Variants in PLEKHA2 observed in about 807,000 individuals in gnomAD.
PLEKHA2 encodes the protein pleckstrin homology domain-containing family A member 2.
PLEKHA2 carries 28 observed loss-of-function variants against 53.2 expected under a neutral mutation model. That is an observed-to-expected ratio of 0.53 (90% CI 0.39 to 0.72). The LOEUF is 0.72. Ranked by LOEUF, PLEKHA2 falls within the 30% of genes least tolerant of loss-of-function variation. PLEKHA2 has a pLI of 0.00. For missense variants in PLEKHA2, 426 were observed against 537.9 expected, an observed-to-expected ratio of 0.79 and a Z score of 2.06; for synonymous variants, 193 against 196.4, an observed-to-expected ratio of 0.98 and a Z score of 0.14.
At chr8:38,952,545 G>A in intron 7 of PLEKHA2, 91 bp from the exon 8 acceptor site, 2 of 1,436,444 alleles carry the variant, frequency 1.4e-6, no homozygotes, top group Non-Finnish European at 1.9e-6. Flanking sequence ...GACTTCCATG[G>A]GGCTGGGTCC....
At chr8:38,969,230 A>G (rs1180969198) in intron 11 of PLEKHA2, among the ~76,000 whole-genome samples, 191 bp from the exon 12 acceptor site, 2 of 152,044 alleles carry the variant, frequency 1.3e-5, no homozygotes. Context: ...ATGTCCTGCA[A>G]GTTTCACTGC....
chr8:38,940,654 G>GT lies in PLEKHA2; in HGVS notation c.199-3135_199-3134insT, dbSNP rs1384483151. Among the ~76,000 whole-genome samples the GT allele has an allele frequency of 8.3e-5, 9 of 108,566 alleles. No homozygotes were observed. In the East Asian group the frequency reaches 2.0e-3, roughly 24 times the overall value. The allele number at this position is 108,566 out of a possible 152,430, so 71.2% of individuals were successfully genotyped here. ...CCGTGGTCCAGATTGAAGGGGCGGG[G>GT]GGGGGGGGTCAGAAACCCAGGAAGC... On this transcript the variant is annotated intron_variant, in intron 3 of 11. Transcript: ENST00000617275.
Position 38,964,131 on chromosome 8 carries a change from G to A in PLEKHA2, c.838-4461G>A, listed in dbSNP as rs115744071. On this transcript the variant is annotated intron_variant, in intron 10 of 11. Coordinates refer to ENST00000617275, the MANE Select transcript of PLEKHA2 (RefSeq NM_021623.2). ...GTGTGAATTCTTTAATTTAGTAATT[G>A]CCTTGGGAGCTGAGGGTTCCTAAAT... is the stretch of plus-strand genomic sequence containing the variant. Among the ~76,000 whole-genome samples the A allele has an allele frequency of 1.2e-3, 190 of 152,306 alleles. 1 individual carries two copies. Among genetic ancestry groups the A allele is most frequent in the African/African-American group, 4.5e-3 (186 of 41,566 alleles).
At chr8:38,956,729 G>A (rs1246272994) in intron 9 of PLEKHA2, among the ~76,000 whole-genome samples, 1 of 152,152 alleles carries the variant, frequency 6.6e-6, no homozygotes, top group Non-Finnish European at 1.5e-5. Context: ...GGGCAACAGA[G>A]CGAGACCCTG....
chr8:38,961,462 A>G (rs2129424051), intron 10 of PLEKHA2, among the ~76,000 whole-genome samples: 1 of 150,630 alleles, frequency 6.6e-6, no homozygotes, highest in Non-Finnish European at 1.5e-5. Context: ...TCTTGAACCC[A>G]GGGGGCGGAG....
At chr8:38,927,673 G>A (rs1375000622) in intron 2 of PLEKHA2, among the ~76,000 whole-genome samples, 2 of 152,128 alleles carry the variant, frequency 1.3e-5, no homozygotes, top group African/African-American at 2.4e-5. Flanking sequence ...ATTCATTAAG[G>A]AAACATCCAT....
chr8:38,957,880 C>T (rs1588274292), intron 10 of PLEKHA2, among the ~76,000 whole-genome samples: 1 of 152,206 alleles, frequency 6.6e-6, no homozygotes, highest in African/African-American at 2.4e-5. Flanking sequence ...CTGGAGTTCT[C>T]CCAACTCCTT....
intron 2 of PLEKHA2, 67 bp from the exon 3 acceptor site, chr8:38,935,927 T>G: frequency 1.4e-6 from 2 of 1,481,058 alleles, no homozygotes; most frequent in Non-Finnish European, 1.9e-6. Context: ...AGAGCTAGAA[T>G]CTTGGTCTTC....
intron 2 of PLEKHA2, among the ~76,000 whole-genome samples, 165 bp downstream of exon 2, chr8:38,918,235 C>T (rs921896415): frequency 2.0e-5 from 3 of 151,622 alleles, no homozygotes; most frequent in African/African-American, 7.3e-5. Context: ...CACAAATGCA[C>T]ATTCACGTGC....
Position 38,969,628 on chromosome 8 carries a change from G to A in PLEKHA2, c.1123G>A (p.Glu375Lys), listed in dbSNP as rs1355249922. The change falls in exon 12 of 12, where the codon GAG becomes AAG. Residue 375 changes from glutamate (E) to lysine (K), a missense_variant. By Grantham distance (56) the Glu-to-Lys change is moderately conservative. Coordinates refer to ENST00000617275, the MANE Select transcript of PLEKHA2 (RefSeq NM_021623.2). ...GCTGCTTCCACCTGGAGACACTTCA[G>A]AGGACTCCTTGTTCACGCCTCGTCC... ...EKLLPPGDTS[E>K]DSLFTPRPGE... is the part of the protein sequence containing the mutation. 6.2e-7 allele frequency: 1 copy of A among 1,604,590 alleles called. No individual in the cohort carries two copies. Among genetic ancestry groups the A allele is most frequent in the Non-Finnish European group, 8.5e-7 (1 of 1,175,644 alleles).
At chr8:38,906,023 A>G (rs1485222044) in intron 1 of PLEKHA2, among the ~76,000 whole-genome samples, 1 of 152,228 alleles carries the variant, frequency 6.6e-6, no homozygotes. Context: ...TTAACTGCCC[A>G]TGTATTAGTA....
intron 6 of PLEKHA2, among the ~76,000 whole-genome samples, chr8:38,951,437 T>C (rs1208990230): frequency 6.6e-6 from 1 of 151,792 alleles, no homozygotes; most frequent in East Asian, 1.9e-4. Context: ...GAAAGGTTTA[T>C]TTTCCTGTTT....
chr8:38,927,227 G>A (rs1438108855), intron 2 of PLEKHA2, among the ~76,000 whole-genome samples: 4 of 152,070 alleles, frequency 2.6e-5, no homozygotes, highest in Admixed American at 2.0e-4. Flanking sequence ...AGAATGGTAT[G>A]ACCAGACATG....
At position 38,922,154 on chromosome 8, in the gene PLEKHA2, A is replaced by G. The variant is rs1354967937; in HGVS notation, c.141+4084A>G. 6.6e-6 allele frequency among the ~76,000 whole-genome samples: 1 copy of G among 152,170 alleles called. No individual in the cohort carries two copies. The highest frequency in any genetic ancestry group is 2.4e-5 in the African/African-American group (1 of 41,436). On this transcript the variant is annotated intron_variant, in intron 2 of 11. Transcript: ENST00000617275. The surrounding 1 kb of genome is among the most constrained non-coding windows in gnomAD (Gnocchi z 4.0). ...GCAGTCTAACTCTAGTGCCCCTGCC[A>G]TTATTGCTGATAATGAGACAGGCGT...
rs561970585 is a variant in PLEKHA2 at position 38,927,271 on chromosome 8, G to A, written c.142-8723G>A. Reference sequence around the variant, plus strand: ...TGTCTGTAATCCCAGGCCTGTGGGAGGATCACTTGAGGCCAGGAATTTGAG... The same window carrying A: ...TGTCTGTAATCCCAGGCCTGTGGGAAGATCACTTGAGGCCAGGAATTTGAG... On this transcript the variant is annotated intron_variant, in intron 2 of 11. Transcript: ENST00000617275. Among the ~76,000 whole-genome samples, 45 of 152,176 alleles carry A rather than the reference G, an allele frequency of 3.0e-4. No homozygotes were observed. In the South Asian group the frequency reaches 8.3e-3, roughly 28 times the overall value.
In PLEKHA2 at chr8:38,933,790, A is replaced by AAAAAAAAAAAAAAAAAAAAAAAAAAAAG; in HGVS notation, c.142-2200_142-2199insAAAAAAAAAAAAAAAAAAAAAAAGAAAA. Among the ~76,000 whole-genome samples, 164 of 90,456 alleles carry AAAAAAAAAAAAAAAAAAAAAAAAAAAAG rather than the reference A, an allele frequency of 1.8e-3. 5 individuals carry two copies. Among genetic ancestry groups the AAAAAAAAAAAAAAAAAAAAAAAAAAAAG allele is most frequent in the Non-Finnish European group, 3.2e-3 (129 of 40,668 alleles). 59.3% of individuals were successfully genotyped at this position (90,456 alleles called of 152,430 possible). ...AATAGAGGTTTCCTAAAAAAAAAAA[A>AAAAAAAAAAAAAAAAAAAAAAAAAAAAG]AAAAGAAAAGAAAGAAAAGCAGTCG... On this transcript the variant is annotated intron_variant, in intron 2 of 11. Coordinates refer to ENST00000617275, the MANE Select transcript of PLEKHA2 (RefSeq NM_021623.2).
intron 1 of PLEKHA2, among the ~76,000 whole-genome samples, chr8:38,914,521 C>T (rs959857744): frequency 1.3e-5 from 2 of 152,260 alleles, no homozygotes; most frequent in African/African-American, 4.8e-5. Flanking sequence ...CCTGAGCCAG[C>T]CATCTCACAA....
At chr8:38,925,833 T>A (rs968497150) in intron 2 of PLEKHA2, among the ~76,000 whole-genome samples, 4 of 152,242 alleles carry the variant, frequency 2.6e-5, no homozygotes, top group Non-Finnish European at 2.9e-5. Context: ...GGTGTTTTTT[T>A]AAAAAAACGT....
At chr8:38,925,050 A>T (rs1834260072) in intron 2 of PLEKHA2, among the ~76,000 whole-genome samples, 1 of 152,220 alleles carries the variant, frequency 6.6e-6, no homozygotes, top group Non-Finnish European at 1.5e-5. Flanking sequence ...TCAGCATGAG[A>T]TCTACCCTTT....
Sources: allele counts gnomAD v4.1 joint callset (sites outside exome capture counted in the v4.1 genomes callset), GRCh38; gene constraint gnomAD v4.1.1; non-coding constraint Gnocchi (gnomAD v3.1); transcripts MANE v1.5; gene names NCBI Gene and HGNC (gene_info 2026-07-23, HGNC 2026-07-21).